COL7A1: variants seen among roughly 807,000 people sequenced by gnomAD.
COL7A1 encodes the protein collagen type VII alpha 1 chain.
Under a neutral mutation model 456.2 loss-of-function variants are expected in COL7A1, and 296 were observed. That is an observed-to-expected ratio of 0.65 (90% CI 0.59 to 0.71). The LOEUF (loss-of-function observed/expected upper bound fraction) is 0.71. Ranked by LOEUF, COL7A1 falls within the 30% of genes least tolerant of loss-of-function variation. The pLI is 0.00. For missense variants in COL7A1, 3,441 were observed against 4,017.2 expected (o/e 0.86, Z 3.88); for synonymous variants, 1,464 against 1,525.9 (o/e 0.96, Z 0.95).
chr3:48,587,632 C>A lies in COL7A1; in HGVS notation c.2858-78G>T. ...AAGGGAGAGATCTGAGATCCTGGGTCCGGTTTGTCTTATTGAAGCATCATG... is the reference window on the plus strand; with the variant it reads ...AAGGGAGAGATCTGAGATCCTGGGTACGGTTTGTCTTATTGAAGCATCATG... On this transcript the variant is annotated intron_variant, in intron 22 of 118. Coordinates refer to ENST00000681320, the MANE Select transcript of COL7A1 (RefSeq NM_000094.4). The surrounding 1 kb of genome is among the most constrained non-coding windows in gnomAD (Gnocchi z 6.1). 1 of 1,607,986 alleles carries A rather than the reference C, an allele frequency of 6.2e-7. No individual in the cohort carries two copies. The highest frequency in any genetic ancestry group is 8.5e-7 in the Non-Finnish European group (1 of 1,175,726).
Position 48,579,452 on chromosome 3 carries a change from G to A in COL7A1, c.5271+28C>T. 6.2e-7 allele frequency: 1 copy of A among 1,613,798 alleles called. No homozygotes were observed. The highest frequency in any genetic ancestry group is 1.1e-5 in the South Asian group (1 of 91,080). Reference sequence around the variant, plus strand: ...AGAGGTGAGGGTAAGATGGGGACTTGGCAGACGGGGCAAAGTGCATCACTC... The same window carrying A: ...AGAGGTGAGGGTAAGATGGGGACTTAGCAGACGGGGCAAAGTGCATCACTC... On this transcript the variant is annotated intron_variant, in intron 60 of 118. Transcript: ENST00000681320. The surrounding 1 kb of genome is among the most constrained non-coding windows in gnomAD (Gnocchi z 4.4).
At position 48,594,495 on chromosome 3, in the gene COL7A1, AG is replaced by A. The variant is rs757040383; in HGVS notation, c.138del (p.Ser47HisfsTer57). The A allele has an allele frequency of 1.9e-6, 3 of 1,612,222 alleles. No homozygotes were observed. ...AADIVFLLDG[S>X]SSIGRSNFRE... ...CGGAAATTGCTGCGGCCAATGGATG[AG>A]GAGCCATCCAGTAAGAACACAATGT... On this transcript the variant is annotated frameshift_variant, in exon 3 of 119. Coordinates refer to ENST00000681320, the MANE Select transcript of COL7A1 (RefSeq NM_000094.4). LOFTEE classifies it high-confidence loss of function. The surrounding 1 kb of genome is among the most constrained non-coding windows in gnomAD (Gnocchi z 5.5).
Position 48,565,589 on chromosome 3 carries a change from G to C in COL7A1, c.8440+47C>G. ...TGAGAGGACCCCAGTTGATAGGCAG[G>C]GCAGGGCCTGGGGTGAAGAAAGTTC... On this transcript the variant is annotated intron_variant, in intron 115 of 118. Coordinates refer to ENST00000681320, the MANE Select transcript of COL7A1 (RefSeq NM_000094.4). The surrounding 1 kb of genome is among the most constrained non-coding windows in gnomAD (Gnocchi z 4.5). The C allele has an allele frequency of 6.2e-7, 1 of 1,614,112 alleles. No individual in the cohort carries two copies. The highest frequency in any genetic ancestry group is 8.5e-7 in the Non-Finnish European group (1 of 1,179,986).
rs1485300280 is a variant in COL7A1, at chr3:48,564,888, GAC to G, written c.8711_8712del (p.Cys2904SerfsTer19). On this transcript the variant is annotated frameshift_variant, in exon 118 of 119. Transcript: ENST00000681320. LOFTEE classifies it high-confidence loss of function. This position sits in a 1 kb window ranked among gnomAD's most constrained non-coding sequence, Gnocchi z 6.0. ...HRAVTGSTEA[C>X]HPFVYGGCGG... ...CCACAGCCACCATAGACAAAAGGGT[GAC>G]AGGCCTCTGTGCTGCCTGTCACAGC... 6.2e-7 allele frequency: 1 copy of G among 1,614,088 alleles called. No individual in the cohort carries two copies. The highest frequency in any genetic ancestry group is 1.3e-5 in the African/African-American group (1 of 74,930).
In COL7A1 at chr3:48,566,796, A is replaced by G. The variant is rs2043627453; in HGVS notation, c.8227-59T>C. Reference sequence around the variant, plus strand: ...GAGGCAGTGGGGATCAGAGTCAGGCAGGTTGGGGGCCACAGCTTCAGAGGT... The same window carrying G: ...GAGGCAGTGGGGATCAGAGTCAGGCGGGTTGGGGGCCACAGCTTCAGAGGT... On this transcript the variant is annotated intron_variant, in intron 111 of 118. Transcript: ENST00000681320. The surrounding 1 kb of genome is among the most constrained non-coding windows in gnomAD (Gnocchi z 5.9). 5 of 1,604,250 alleles carry G rather than the reference A, an allele frequency of 3.1e-6. No individual in the cohort carries two copies. Among genetic ancestry groups the G allele is most frequent in the Non-Finnish European group, 4.3e-6 (5 of 1,172,524 alleles).
At position 48,580,811 on chromosome 3, in the gene COL7A1, C is replaced by A; in HGVS notation, c.4980+71G>T. ...CAGGGACTCCCATCACCCCTTACCC[C>A]CCTCAGCCTTTCCTATCACCTTCAT... On this transcript the variant is annotated intron_variant, in intron 54 of 118. Transcript: ENST00000681320. This position sits in a 1 kb window ranked among gnomAD's most constrained non-coding sequence, Gnocchi z 4.5. 1.3e-6 allele frequency: 2 copies of A among 1,599,844 alleles called. No homozygotes were observed. Among genetic ancestry groups the A allele is most frequent in the Admixed American group, 1.7e-5 (1 of 59,958 alleles).
At chr3:48,576,141 C>T (rs2044281478) in intron 71 of COL7A1, 108 bp downstream of exon 71, 1 of 1,548,114 alleles carries the variant, frequency 6.5e-7, no homozygotes. Context: ...GGGCACTGAA[C>T]ACACAGCACA....
chr3:48,570,522 G>A lies in COL7A1; in HGVS notation c.7345-22C>T. On this transcript the variant is annotated intron_variant, in intron 96 of 118. Transcript: ENST00000681320. This position sits in a 1 kb window ranked among gnomAD's most constrained non-coding sequence, Gnocchi z 5.5. ...GTCCCTGTAGGTCAGAGTGAGGTGA[G>A]GGTCCTGTGGCTCTCAAAGCGCCTC... The A allele has an allele frequency of 6.2e-7, 1 of 1,614,040 alleles. No individual in the cohort carries two copies. Among genetic ancestry groups the A allele is most frequent in the Non-Finnish European group, 8.5e-7 (1 of 1,179,966 alleles).
At position 48,570,425 on chromosome 3, in the gene COL7A1, C is replaced by G. The variant is rs772173835; in HGVS notation, c.7380+40G>C. 6.2e-7 allele frequency: 1 copy of G among 1,613,912 alleles called. No homozygotes were observed. Among genetic ancestry groups the G allele is most frequent in the Admixed American group, 1.7e-5 (1 of 59,998 alleles). ...GTCAGTGGAGGCTGAAGGGGGTGAC[C>G]AGGGCACAAGAGAGAGTCAGCAGCA... On this transcript the variant is annotated intron_variant, in intron 97 of 118. Coordinates refer to ENST00000681320, the MANE Select transcript of COL7A1 (RefSeq NM_000094.4). The surrounding 1 kb of genome is among the most constrained non-coding windows in gnomAD (Gnocchi z 5.5).
In COL7A1 at chr3:48,571,674, AT is replaced by A; in HGVS notation, c.7068+326del. On this transcript the variant is annotated intron_variant, in intron 92 of 118. Coordinates refer to ENST00000681320, the MANE Select transcript of COL7A1 (RefSeq NM_000094.4). This position sits in a 1 kb window ranked among gnomAD's most constrained non-coding sequence, Gnocchi z 4.6. ...GCAGCCAGGGGCAGGGGAAAGGAGG[AT>A]TGTAAACACAGGACCAAGGAGAGGT... is the stretch of plus-strand genomic sequence containing the variant. The A allele has an allele frequency of 1.5e-6, 1 of 653,736 alleles. No individual in the cohort carries two copies. Among genetic ancestry groups the A allele is most frequent in the Non-Finnish European group, 2.9e-6 (1 of 346,338 alleles). The allele number at this position is 653,736 out of a possible 1,614,324, so 40.5% of individuals were successfully genotyped here.
At position 48,579,795 on chromosome 3, in the gene COL7A1, G is replaced by A. The variant is rs2044603151; in HGVS notation, c.5144C>T (p.Ala1715Val). 6.2e-7 allele frequency: 1 copy of A among 1,614,026 alleles called. No individual in the cohort carries two copies. Among genetic ancestry groups the A allele is most frequent in the East Asian group, 2.2e-5 (1 of 44,872 alleles). ...CACAGACCCTAATACCTTCTCTCTGGCTCCAGGTCCTGTGTCTACCTGTGG... is the reference window on the plus strand; with the variant it reads ...CACAGACCCTAATACCTTCTCTCTGACTCCAGGTCCTGTGTCTACCTGTGG... ...PGRLVDTGPG[A>V]REKGEPGDRG... Residue 1715 changes from alanine (A) to valine (V), a missense_variant, in exon 58 of 119, where the codon GCC (alanine) becomes GTC (valine). Ala to Val is a moderately conservative substitution (Grantham distance 64, BLOSUM62 0). Around this residue, in one of 3 missense-constraint regions of COL7A1, gnomAD observed 2,084 missense variants for 2,501.3 expected, o/e 0.83. Transcript: ENST00000681320. The surrounding 1 kb of genome is among the most constrained non-coding windows in gnomAD (Gnocchi z 4.4).
intron 16 of COL7A1, among the ~76,000 whole-genome samples, chr3:48,589,919 A>G (rs2045571391): frequency 6.6e-6 from 1 of 152,044 alleles, no homozygotes; most frequent in South Asian, 2.1e-4. Context: ...TAAATCTCAG[A>G]GGAGATTTGG....
Position 48,588,559 on chromosome 3 carries a change from T to G in COL7A1, c.2587+83A>C. On this transcript the variant is annotated intron_variant, in intron 20 of 118. Coordinates refer to ENST00000681320, the MANE Select transcript of COL7A1 (RefSeq NM_000094.4). This position sits in a 1 kb window ranked among gnomAD's most constrained non-coding sequence, Gnocchi z 4.6. Reference sequence around the variant, plus strand: ...AAAGGCTCACTACCAATCCTGGTCCTTTCTCCAATCCAGAGCACAAGCCCG... The same window carrying G: ...AAAGGCTCACTACCAATCCTGGTCCGTTCTCCAATCCAGAGCACAAGCCCG... 1 of 1,611,442 alleles carries G rather than the reference T, an allele frequency of 6.2e-7. No individual in the cohort carries two copies. The highest frequency in any genetic ancestry group is 1.1e-5 in the South Asian group (1 of 91,026).
In COL7A1 at chr3:48,591,326, T is replaced by G; in HGVS notation, c.1636+138A>C. 8.2e-7 allele frequency: 1 copy of G among 1,226,766 alleles called. No homozygotes were observed. The highest frequency in any genetic ancestry group is 1.1e-6 in the Non-Finnish European group (1 of 877,730). The allele number at this position is 1,226,766 out of a possible 1,614,324, so 76.0% of individuals were successfully genotyped here. On this transcript the variant is annotated intron_variant, in intron 13 of 118. Transcript: ENST00000681320. This position sits in a 1 kb window ranked among gnomAD's most constrained non-coding sequence, Gnocchi z 7.0. ...GACAGTTCAGGGCTCAGTGCCATCT[T>G]GGGAAGCAGATGGATAACGAGACAG...
Position 48,567,446 on chromosome 3 carries a change from C to T in COL7A1, c.8046+128G>A, listed in dbSNP as rs1036856674. 3.0e-6 allele frequency: 4 copies of T among 1,352,480 alleles called. No homozygotes were observed. The highest frequency in any genetic ancestry group is 4.2e-6 in the Non-Finnish European group (4 of 949,278). The allele number at this position is 1,352,480 out of a possible 1,614,324, so 83.8% of individuals were successfully genotyped here. Reference sequence around the variant, plus strand: ...ACCCACCTTGACACCTCGAGACCAGCCCCACTTCAGCCCCCAAAGTCCCAA... The same window carrying T: ...ACCCACCTTGACACCTCGAGACCAGTCCCACTTCAGCCCCCAAAGTCCCAA... On this transcript the variant is annotated intron_variant, in intron 109 of 118. Coordinates refer to ENST00000681320, the MANE Select transcript of COL7A1 (RefSeq NM_000094.4). The surrounding 1 kb of genome is among the most constrained non-coding windows in gnomAD (Gnocchi z 4.3).
At chr3:48,584,215 G>T in intron 37 of COL7A1, 83 bp downstream of exon 37, 1 of 1,537,764 alleles carries the variant, frequency 6.5e-7, no homozygotes. Context: ...GGGTCACAAG[G>T]GCCAGAGTAA....
rs755361003 is a variant in COL7A1, at chr3:48,570,941, C to T, written c.7192G>A (p.Gly2398Ser). Reference sequence around the variant, plus strand: ...GGGAACCCAACAACACCAGGAGCACCGGGCAGGCCAGGGAGGCCCAGATCT... The same window carrying T: ...GGGAACCCAACAACACCAGGAGCACTGGGCAGGCCAGGGAGGCCCAGATCT... Reference protein sequence around the residue: ...KGDLGLPGLPGAPGVVGFPGQ... With the variant: ...KGDLGLPGLPSAPGVVGFPGQ... Residue 2398 changes from glycine (G) to serine (S), a missense_variant, in exon 95 of 119, where the codon GGT becomes AGT. Coordinates refer to ENST00000681320, the MANE Select transcript of COL7A1 (RefSeq NM_000094.4). The surrounding 1 kb of genome is among the most constrained non-coding windows in gnomAD (Gnocchi z 5.5). 4.3e-6 allele frequency: 7 copies of T among 1,613,542 alleles called. No individual in the cohort carries two copies. Among genetic ancestry groups the T allele is most frequent in the East Asian group, 2.2e-5 (1 of 44,876 alleles).
Position 48,575,683 on chromosome 3 carries a change from G to A in COL7A1, c.5922C>T (p.Pro1974=), listed in dbSNP as rs766316585. ...CCCCCTTGGGGCCTCGACGCCGTTC[G>A]GGCACAGGCAGGAAGCTACCAGAGC... ...DESSGSFLPV[P]ERRRGPKGDS... is the part of the protein sequence containing the mutation. Residue 1974 remains proline, a synonymous_variant, in exon 73 of 119, where the codon CCC becomes CCT. Transcript: ENST00000681320. The surrounding 1 kb of genome is among the most constrained non-coding windows in gnomAD (Gnocchi z 6.3). 2.2e-5 allele frequency: 35 copies of A among 1,613,554 alleles called. No homozygotes were observed. Among genetic ancestry groups the A allele is most frequent in the East Asian group, 8.9e-5 (4 of 44,884 alleles).
In COL7A1 at chr3:48,571,267, C is replaced by A; in HGVS notation, c.7080G>T (p.Gly2360=). 2 of 1,614,158 alleles carry A rather than the reference C, an allele frequency of 1.2e-6. No individual in the cohort carries two copies. Among genetic ancestry groups the A allele is most frequent in the Non-Finnish European group, 1.7e-6 (2 of 1,180,042 alleles). ...PGDPGEDGQK[G]APGPKGFKGD... is the part of the protein sequence containing the mutation. ...CCTTGAAACCTTTGGGTCCTGGAGC[C>A]CCTTTCTGACCCTAAGAAAACCCAG... Residue 2360 remains glycine, a synonymous_variant, in exon 93 of 119, where the codon GGG becomes GGT. Coordinates refer to ENST00000681320, the MANE Select transcript of COL7A1 (RefSeq NM_000094.4). This position sits in a 1 kb window ranked among gnomAD's most constrained non-coding sequence, Gnocchi z 4.6.
Sources: allele counts gnomAD v4.1 joint callset (sites outside exome capture counted in the v4.1 genomes callset), GRCh38; gene constraint gnomAD v4.1.1; regional missense constraint gnomAD v4.1.1; non-coding constraint Gnocchi (gnomAD v3.1); transcripts MANE v1.5; gene names NCBI Gene and HGNC (gene_info 2026-07-23, HGNC 2026-07-21).